PRSS12: variants seen among roughly 807,000 people sequenced by gnomAD.
PRSS12 encodes neurotrypsin.
A neutral mutation model predicts 104.4 loss-of-function variants in PRSS12; 85 were observed. That is an observed-to-expected ratio of 0.81 (90% CI 0.68 to 0.98). PRSS12 has a LOEUF of 0.98. Among genes scored for constraint, PRSS12 ranks in the 50% least tolerant of loss-of-function variants. The probability of loss-of-function intolerance (pLI) is 0.00; values close to 1 mark genes in which losing one functional copy is unlikely to be tolerated. For missense variants in PRSS12, 1,141 were observed against 1,139.2 expected (o/e 1.00, Z -0.02); for synonymous variants, 454 against 425.2 (o/e 1.07, Z -0.83).
intron 9 of PRSS12, among the ~76,000 whole-genome samples, chr4:118,298,140 CAAAAAA>C (rs889038925): frequency 1.7e-5 from 1 of 59,504 alleles, no homozygotes; most frequent in Non-Finnish European, 3.6e-5. Context: ...TCCGTCTCAA[CAAAAAA>C]AAAAAAAAAA....
chr4:118,341,613 C>T (rs951460701), intron 1 of PRSS12, among the ~76,000 whole-genome samples: 4 of 147,448 alleles, frequency 2.7e-5, no homozygotes, highest in African/African-American at 7.6e-5. Context: ...ACCCGGGAGG[C>T]TGAGGTTGCG....
intron 8 of PRSS12, among the ~76,000 whole-genome samples, chr4:118,305,617 G>T (rs1392516755): frequency 6.6e-6 from 1 of 151,970 alleles, no homozygotes; most frequent in Non-Finnish European, 1.5e-5. Flanking sequence ...TTGTTTGTTT[G>T]TTTTGTTATG....
At chr4:118,315,969 GT>G (rs1743896149) in intron 6 of PRSS12, among the ~76,000 whole-genome samples, 1 of 152,166 alleles carries the variant, frequency 6.6e-6, no homozygotes, top group African/African-American at 2.4e-5. Flanking sequence ...AAGAAGAGGG[GT>G]CATGGCAGGA....
chr4:118,331,899 C>T, intron 3 of PRSS12, 33 bp from the exon 4 acceptor site: 1 of 1,612,674 alleles, frequency 6.2e-7, no homozygotes, highest in Non-Finnish European at 8.5e-7. Flanking sequence ...TAAGCAAAAC[C>T]TATGCATTTA....
At chr4:118,325,362 C>CT (rs1444810959) in intron 4 of PRSS12, among the ~76,000 whole-genome samples, 1 of 148,274 alleles carries the variant, frequency 6.7e-6, no homozygotes, top group Admixed American at 6.7e-5. Context: ...GTTTTATTTT[C>CT]TTCTCATCCA....
At position 118,282,957 on chromosome 4, in the gene PRSS12, A is replaced by C. The variant is rs1436402377; in HGVS notation, c.2194T>G (p.Leu732Val). Residue 732 changes from leucine (L) to valine (V), a missense_variant, in exon 12 of 13, where the codon TTA (leucine) becomes GTA (valine). Physicochemically the swap from Leu to Val is conservative, Grantham distance 32 (BLOSUM62 1). Coordinates refer to ENST00000296498, the MANE Select transcript of PRSS12 (RefSeq NM_003619.4). ...GCACATTGCTCTTCTGGTCCTTGTA[A>C]TCTAACCAGGGCTATGTCATAATCA... ...RSDYDIALVR[L>V]QGPEEQCARF... The C allele has an allele frequency of 6.2e-7, 1 of 1,614,156 alleles. No individual in the cohort carries two copies. Among genetic ancestry groups the C allele is most frequent in the Non-Finnish European group, 8.5e-7 (1 of 1,180,028 alleles).
intron 11 of PRSS12, 41 bp from the exon 12 acceptor site, chr4:118,283,152 A>G (rs1742931719): frequency 6.2e-7 from 1 of 1,604,020 alleles, no homozygotes; most frequent in Non-Finnish European, 8.5e-7. Flanking sequence ...TGCTTCAGAT[A>G]CTGAAAATTA....
rs147369921 is a variant in PRSS12, at chr4:118,332,494, T to A, written c.821-628A>T. On this transcript the variant is annotated intron_variant, in intron 3 of 12. Transcript: ENST00000296498. ...ATAATCTACAGCCCTGATCTAGCCC[T>A]TGTCAGACTGTGAACTTCTCTGTCT... Among the ~76,000 whole-genome samples the A allele has an allele frequency of 4.9e-3, 752 of 152,308 alleles. 5 individuals carry two copies. The highest frequency in any genetic ancestry group is 5.6e-3 in the Non-Finnish European group (379 of 68,028).
At chr4:118,341,167 C>T (rs1724198136) in intron 1 of PRSS12, among the ~76,000 whole-genome samples, 2 of 152,058 alleles carry the variant, frequency 1.3e-5, no homozygotes, top group Non-Finnish European at 2.9e-5. Flanking sequence ...TGCGGCTAGC[C>T]TCAGGGGAAA....
intron 1 of PRSS12, among the ~76,000 whole-genome samples, chr4:118,339,637 T>C (rs569184785): frequency 2.6e-5 from 4 of 152,350 alleles, no homozygotes; most frequent in Admixed American, 1.3e-4. Context: ...GTCATTCATA[T>C]GACAAATCAT....
rs1338832512 is a variant in PRSS12, at chr4:118,352,887, G to A, written c.-167C>T. 3.5e-5 allele frequency: 49 copies of A among 1,411,228 alleles called. 1 individual carries two copies. The South Asian group carries it at 7.3e-4, about 21-fold the overall frequency. The allele number at this position is 1,411,228 out of a possible 1,614,324, so 87.4% of individuals were successfully genotyped here. On this transcript the variant is annotated 5_prime_UTR_variant, in exon 1 of 13. Coordinates refer to ENST00000296498, the MANE Select transcript of PRSS12 (RefSeq NM_003619.4). ...TCCCCAACCTTGCCTCCCGCCGCTG[G>A]TGCCCTGCCGCGCCTCGGCTCCTGT...
intron 10 of PRSS12, 54 bp from the exon 11 acceptor site, chr4:118,295,115 G>C: frequency 6.3e-7 from 1 of 1,593,084 alleles, no homozygotes; most frequent in Non-Finnish European, 8.6e-7. Context: ...AAAAGCAAAG[G>C]AAAGCACTGG....
At chr4:118,331,992 T>A in intron 3 of PRSS12, 126 bp from the exon 4 acceptor site, 1 of 1,199,268 alleles carries the variant, frequency 8.3e-7, no homozygotes, top group African/African-American at 1.5e-5. Context: ...ACACCAGTGA[T>A]ATGGACATAC....
At chr4:118,299,774 TAAAATAAAATAAAATAAAATAAATA>T (rs1743355890) in intron 8 of PRSS12, among the ~76,000 whole-genome samples, 7 of 58,898 alleles carry the variant, frequency 1.2e-4, no homozygotes, top group South Asian at 6.9e-4. Context: ...TTAAATAAAA[TAAAATAAAATAAAATAAAATAAATA>T]AAATAAAATA....
At chr4:118,320,878 T>C (rs1266980981) in intron 4 of PRSS12, among the ~76,000 whole-genome samples, 1 of 152,056 alleles carries the variant, frequency 6.6e-6, no homozygotes. Flanking sequence ...GAGTTTAAAA[T>C]TCAAGAGGAA....
chr4:118,343,212 G>C (rs1285903763), intron 1 of PRSS12, among the ~76,000 whole-genome samples: 2 of 151,404 alleles, frequency 1.3e-5, no homozygotes, highest in African/African-American at 2.4e-5. Flanking sequence ...AACAGAGTGA[G>C]ACACTGTCTT....
intron 9 of PRSS12, 73 bp downstream of exon 9, chr4:118,298,660 A>G: frequency 4.4e-6 from 6 of 1,373,246 alleles, no homozygotes; most frequent in Non-Finnish European, 6.2e-6. Context: ...TTCTGTTATC[A>G]AAGTACTGCT....
intron 6 of PRSS12, among the ~76,000 whole-genome samples, 164 bp from the exon 7 acceptor site, chr4:118,313,561 G>T (rs1169497648): frequency 1.3e-5 from 2 of 152,088 alleles, no homozygotes; most frequent in Non-Finnish European, 2.9e-5. Flanking sequence ...TGTTCGCCCA[G>T]CCCATCACAT....
intron 8 of PRSS12, among the ~76,000 whole-genome samples, chr4:118,303,080 G>T (rs948486186): frequency 6.6e-6 from 1 of 151,856 alleles, no homozygotes; most frequent in African/African-American, 2.4e-5. Context: ...TTTTCAGGAA[G>T]GGGAAGTTAC....
Sources: gnomAD v4.1 joint callset for allele counts (sites outside exome capture counted in the v4.1 genomes callset) on GRCh38, gnomAD v4.1.1 for gene constraint, MANE v1.5 for transcripts, NCBI Gene and HGNC (gene_info 2026-07-23, HGNC 2026-07-21) for gene names.